ARHGEF37: variants seen among roughly 807,000 people sequenced by gnomAD.
The protein encoded by ARHGEF37 is Rho guanine nucleotide exchange factor 37.
Under a neutral mutation model 71.1 loss-of-function variants are expected in ARHGEF37, and 55 were observed. That is an observed-to-expected ratio of 0.77 (90% confidence interval 0.62 to 0.97). The LOEUF (loss-of-function observed/expected upper bound fraction) is 0.97. Among genes scored for constraint, ARHGEF37 ranks in the 50% least tolerant of loss-of-function variants. The pLI, the probability that ARHGEF37 is intolerant of heterozygous loss-of-function variation, is 0.00. For synonymous variants in ARHGEF37, 327 were observed against 350.6 expected, an observed-to-expected ratio of 0.93 and a Z score of 0.75; for missense variants, 765 against 836.8, an observed-to-expected ratio of 0.91 and a Z score of 1.06.
rs1360048397 is a variant in ARHGEF37, at chr5:149,621,924, C to T, written c.1197C>T (p.Asn399=). ...EAARHTYQAL[N]SLLVAELPQF... ...CCCGGCACACATACCAGGCACTCAA[C>T]TCGCTGCTAGTGGCTGAGCTCCCAC... The change falls in exon 9 of 13, where the codon AAC becomes AAT. Residue 399 remains asparagine, a synonymous_variant. Transcript: ENST00000333677. 6.2e-7 allele frequency: 1 copy of T among 1,614,268 alleles called. No individual in the cohort carries two copies. Among genetic ancestry groups the T allele is most frequent in the South Asian group, 1.1e-5 (1 of 91,090 alleles).
Position 149,626,726 on chromosome 5 carries a change from T to C in ARHGEF37, c.1465-350T>C, listed in dbSNP as rs577617580. Among the ~76,000 whole-genome samples, 3 of 152,310 alleles carry C rather than the reference T, an allele frequency of 2.0e-5. No homozygotes were observed. The South Asian group carries it at 6.2e-4, about 32-fold the overall frequency. On this transcript the variant is annotated intron_variant, in intron 10 of 12. Coordinates refer to ENST00000333677, the MANE Select transcript of ARHGEF37 (RefSeq NM_001001669.3). ...TGCCCACATGAAACTCACACTCTAA[T>C]GGAATTGAAAGACCTGTCCAGGGCA...
chr5:149,568,635 C>T (rs1460550355), intron 1 of ARHGEF37, among the ~76,000 whole-genome samples: 1 of 151,720 alleles, frequency 6.6e-6, no homozygotes, highest in East Asian at 1.9e-4. Flanking sequence ...CATGGTGAAA[C>T]CCCCGTCTCT....
At chr5:149,596,046 C>T (rs977295352) in intron 1 of ARHGEF37, among the ~76,000 whole-genome samples, 2 of 151,654 alleles carry the variant, frequency 1.3e-5, no homozygotes, top group Non-Finnish European at 2.9e-5. Context: ...TACCTGGGCA[C>T]TAATGCCCAA....
intron 4 of ARHGEF37, among the ~76,000 whole-genome samples, chr5:149,612,237 G>A (rs932980821): frequency 6.6e-6 from 1 of 152,040 alleles, no homozygotes; most frequent in East Asian, 1.9e-4. Flanking sequence ...GCGCGATCTC[G>A]GCCCACTGCA....
intron 1 of ARHGEF37, among the ~76,000 whole-genome samples, chr5:149,596,093 T>C (rs1763537112): frequency 6.6e-6 from 1 of 152,124 alleles, no homozygotes; most frequent in African/African-American, 2.4e-5. Flanking sequence ...CTGTCTTCCT[T>C]ACCCACCCCT....
At chr5:149,597,660 G>A in intron 1 of ARHGEF37, 99 bp from the exon 2 acceptor site, 5 of 1,113,590 alleles carry the variant, frequency 4.5e-6, no homozygotes, top group Non-Finnish European at 5.0e-6. Flanking sequence ...AGCTTAAGAT[G>A]TTTTTAGGCC....
chr5:149,584,508 T>G (rs1161259154), intron 1 of ARHGEF37, among the ~76,000 whole-genome samples: 1 of 152,220 alleles, frequency 6.6e-6, no homozygotes, highest in African/African-American at 2.4e-5. Flanking sequence ...TCCTTCCCTT[T>G]TTGGCTCTGT....
At chr5:149,578,311 A>G (rs562595798), upstream of ARHGEF37, among the ~76,000 whole-genome samples, 132 of 152,318 alleles carry the variant, frequency 8.7e-4, no homozygotes, top group Middle Eastern at 6.8e-3. Context: ...TGCTTACTTT[A>G]GTAAAAATCC....
intron 1 of ARHGEF37, among the ~76,000 whole-genome samples, chr5:149,558,701 G>A (rs201765634): frequency 0.36 from 34,301 of 94,058 alleles, 4,775 homozygotes; most frequent in East Asian, 0.65. Flanking sequence ...ATGTGTGTGT[G>A]TGTGTGTGTG....
chr5:149,554,549 A>C (rs1464767464), intron 1 of ARHGEF37, among the ~76,000 whole-genome samples: 1 of 152,190 alleles, frequency 6.6e-6, no homozygotes, highest in Non-Finnish European at 1.5e-5. Flanking sequence ...AGTGCCCAGC[A>C]AAATGCACAA....
chr5:149,565,019 G>A (rs1762882600), intron 1 of ARHGEF37, among the ~76,000 whole-genome samples: 1 of 152,202 alleles, frequency 6.6e-6, no homozygotes, highest in Non-Finnish European at 1.5e-5. Context: ...GCTGAATCTG[G>A]ACAGTCAGAT....
At chr5:149,570,380 G>T (rs1222525950) in intron 1 of ARHGEF37, among the ~76,000 whole-genome samples, 2 of 150,156 alleles carry the variant, frequency 1.3e-5, no homozygotes, top group African/African-American at 2.5e-5. Context: ...TTGAGACCAG[G>T]CTGACCAACA....
chr5:149,623,819 T>G (rs1752605386), intron 9 of ARHGEF37, among the ~76,000 whole-genome samples, 193 bp from the exon 10 acceptor site: 4 of 152,108 alleles, frequency 2.6e-5, no homozygotes. Flanking sequence ...GTGAATCTGG[T>G]GACAAGCTGT....
chr5:149,571,369 C>T (rs1040429416), intron 1 of ARHGEF37, among the ~76,000 whole-genome samples: 3 of 152,178 alleles, frequency 2.0e-5, no homozygotes, highest in African/African-American at 7.2e-5. Context: ...AATTCTTGTG[C>T]CTCAGCCCCC....
intron 1 of ARHGEF37, among the ~76,000 whole-genome samples, chr5:149,587,149 T>C (rs886555737): frequency 2.6e-5 from 4 of 152,236 alleles, no homozygotes; most frequent in Non-Finnish European, 4.4e-5. Context: ...CTATCATGGC[T>C]GAAATGAGTC....
intron 4 of ARHGEF37, among the ~76,000 whole-genome samples, chr5:149,615,792 T>C (rs10073329): frequency 0.15 from 22,182 of 152,084 alleles, 1,775 homozygotes; most frequent in East Asian, 0.31. Context: ...CTCGGGAGGC[T>C]GAGGCAGGAG....
intron 1 of ARHGEF37, among the ~76,000 whole-genome samples, chr5:149,560,254 T>C (rs565502905): frequency 1.3e-5 from 2 of 152,268 alleles, no homozygotes; most frequent in South Asian, 4.2e-4. Flanking sequence ...TAGTTGGGAT[T>C]ATAAGCATGC....
At chr5:149,630,995 A>G (rs908021529) in intron 12 of ARHGEF37, among the ~76,000 whole-genome samples, 3 of 152,116 alleles carry the variant, frequency 2.0e-5, no homozygotes, top group Non-Finnish European at 4.4e-5. Context: ...AATTCTCTCA[A>G]TGTCCTGAAG....
At chr5:149,590,007 G>A (rs899829844) in intron 1 of ARHGEF37, among the ~76,000 whole-genome samples, 1 of 152,068 alleles carries the variant, frequency 6.6e-6, no homozygotes, top group Admixed American at 6.6e-5. Context: ...TGCTTTTAGT[G>A]GAGTGAAACC....
Sources: gnomAD v4.1 joint callset for allele counts (sites outside exome capture counted in the v4.1 genomes callset) on GRCh38, gnomAD v4.1.1 for gene constraint, MANE v1.5 for transcripts, NCBI Gene and HGNC (gene_info 2026-07-23, HGNC 2026-07-21) for gene names.